TIAM2: variants seen among roughly 807,000 people sequenced by gnomAD.
TIAM2 encodes rho guanine nucleotide exchange factor TIAM2.
A neutral mutation model predicts 152.9 loss-of-function variants in TIAM2; 80 were observed. The ratio of observed to expected loss-of-function variants is 0.52; its 90% CI spans 0.44 to 0.63. TIAM2 has a LOEUF of 0.63. TIAM2 is among the 30% of genes least tolerant of loss of function. TIAM2 has a pLI of 0.00. For synonymous variants in TIAM2, 804 were observed against 838.0 expected (o/e 0.96, Z 0.70); for missense variants, 1,965 against 2,120.1 (o/e 0.93, Z 1.44).
intron 1 of TIAM2, among the ~76,000 whole-genome samples, chr6:155,051,325 A>T (rs1425895332): frequency 6.6e-6 from 1 of 152,052 alleles, no homozygotes; most frequent in Non-Finnish European, 1.5e-5. Flanking sequence ...GAGCCCGCTT[A>T]CTCCCATCCA....
At chr6:155,192,482 A>G (rs1398877191) in intron 14 of TIAM2, among the ~76,000 whole-genome samples, 2 of 152,182 alleles carry the variant, frequency 1.3e-5, no homozygotes, top group Non-Finnish European at 2.9e-5. Flanking sequence ...GGCCCTAAAG[A>G]GCTTTAGTTA....
intron 1 of TIAM2, among the ~76,000 whole-genome samples, chr6:155,058,561 A>G (rs1439794940): frequency 6.6e-6 from 1 of 152,244 alleles, no homozygotes; most frequent in Non-Finnish European, 1.5e-5. Flanking sequence ...ACAACATACT[A>G]TATGTAAGCA....
intron 15 of TIAM2, among the ~76,000 whole-genome samples, chr6:155,226,376 T>C (rs922814249): frequency 6.6e-6 from 1 of 152,120 alleles, no homozygotes; most frequent in Non-Finnish European, 1.5e-5. Flanking sequence ...AAACAAAAGA[T>C]TGCTGATGGT....
chr6:155,043,099 G>A (rs1777084993), intron 1 of TIAM2, among the ~76,000 whole-genome samples: 1 of 152,184 alleles, frequency 6.6e-6, no homozygotes, highest in African/African-American at 2.4e-5. Context: ...AGGAAGATGA[G>A]ATTCCAAAAG....
At chr6:155,140,430 G>A (rs1779665316) in intron 5 of TIAM2, among the ~76,000 whole-genome samples, 1 of 152,134 alleles carries the variant, frequency 6.6e-6, no homozygotes, top group South Asian at 2.1e-4. Context: ...TTTTAAGTGT[G>A]AAATTTGTTT....
chr6:155,231,424 C>T (rs117657527), intron 15 of TIAM2, among the ~76,000 whole-genome samples: 1,781 of 152,272 alleles, frequency 0.012, 14 homozygotes, highest in Non-Finnish European at 0.019. Flanking sequence ...ATACAATTTC[C>T]CTGGAGTATT....
At chr6:155,232,603 C>T (rs752703026) in intron 15 of TIAM2, 1 of 152,214 alleles carries the variant, frequency 6.6e-6, no homozygotes, top group Non-Finnish European at 1.5e-5. Context: ...TGGGGAAACT[C>T]TGAGGACATG....
intron 15 of TIAM2, among the ~76,000 whole-genome samples, chr6:155,224,196 C>G (rs1014787286): frequency 6.6e-6 from 1 of 152,174 alleles, no homozygotes; most frequent in Non-Finnish European, 1.5e-5. Context: ...TTTTCTGTGC[C>G]TTTCATGACT....
At chr6:155,079,365 G>C in intron 1 of TIAM2, among the ~76,000 whole-genome samples, 1 of 152,022 alleles carries the variant, frequency 6.6e-6, no homozygotes, top group Non-Finnish European at 1.5e-5. Context: ...CCTGGACCCA[G>C]ATGGCCAGTT....
chr6:155,050,331 A>G (rs554212808), intron 1 of TIAM2, among the ~76,000 whole-genome samples: 171 of 152,242 alleles, frequency 1.1e-3, no homozygotes, highest in Non-Finnish European at 1.9e-3. Flanking sequence ...TGGCCTCAGT[A>G]TATTTAAAAT....
chr6:155,086,058 G>T (rs1383953098), intron 1 of TIAM2, among the ~76,000 whole-genome samples: 3 of 152,228 alleles, frequency 2.0e-5, no homozygotes, highest in Non-Finnish European at 4.4e-5. Context: ...GCGAAGCCCA[G>T]TCTCCACTGT....
chr6:155,121,589 C>T (rs970457042), intron 2 of TIAM2, among the ~76,000 whole-genome samples: 2 of 152,146 alleles, frequency 1.3e-5, no homozygotes, highest in Admixed American at 6.6e-5. Context: ...AAGCTGTCCC[C>T]GACCCTCCCC....
intron 1 of TIAM2, among the ~76,000 whole-genome samples, chr6:155,002,824 G>A (rs920626787): frequency 4.0e-5 from 6 of 151,816 alleles, no homozygotes; most frequent in African/African-American, 1.5e-4. Context: ...GGGATTACAG[G>A]CACCCACCAC....
At chr6:155,221,459 G>A (rs1033312137) in intron 15 of TIAM2, among the ~76,000 whole-genome samples, 2 of 152,274 alleles carry the variant, frequency 1.3e-5, no homozygotes, top group African/African-American at 4.8e-5. Flanking sequence ...TATTTGCCAC[G>A]TTTATTTCTG....
chr6:155,128,483 T>C (rs1779351452), intron 3 of TIAM2, among the ~76,000 whole-genome samples: 2 of 152,252 alleles, frequency 1.3e-5, no homozygotes, highest in East Asian at 3.9e-4. Context: ...TTATGTATAA[T>C]GAAAATGTAT....
chr6:155,104,058 C>CCCCCCCCCCCCCCCCCCCCCACA (rs1778620589), intron 2 of TIAM2, among the ~76,000 whole-genome samples: 1 of 60,318 alleles, frequency 1.7e-5, no homozygotes, highest in African/African-American at 7.6e-5. Context: ...CCCCACACCC[C>CCCCCCCCCCCCCCCCCCCCCACA]CACACACCCC....
At chr6:155,166,780 G>A (rs1261528477) in intron 9 of TIAM2, among the ~76,000 whole-genome samples, 4 of 152,192 alleles carry the variant, frequency 2.6e-5, no homozygotes, top group Non-Finnish European at 5.9e-5. Flanking sequence ...TTATCTTGCT[G>A]ATTGATATGT....
intron 14 of TIAM2, among the ~76,000 whole-genome samples, chr6:155,206,960 G>C (rs1027691803): frequency 3.3e-4 from 51 of 152,320 alleles, no homozygotes; most frequent in African/African-American, 1.2e-3. Context: ...GCTGAGTTCA[G>C]GGTGGGCAGG....
In TIAM2 at chr6:155,256,579, A is replaced by T; in HGVS notation, c.4564A>T (p.Ser1522Cys). 2 of 1,614,214 alleles carry T rather than the reference A, an allele frequency of 1.2e-6. No homozygotes were observed. The highest frequency in any genetic ancestry group is 2.2e-5 in the South Asian group (2 of 91,078). ...KGTLLDSDEG[S>C]LSSGTQSSGC... is the part of the protein sequence containing the mutation. ...AACCTTGCTGGACTCTGACGAGGGC[A>T]GCTTGAGCAGCGGCACCCAGAGCAG... The change falls in exon 27 of 27, where the codon AGC (serine) becomes TGC (cysteine). Residue 1522 changes from serine to cysteine, a missense_variant. Around this residue, in one of 3 missense-constraint regions of TIAM2, gnomAD observed 935 missense variants for 980.0 expected, o/e 0.95. Coordinates refer to ENST00000682666, the MANE Select transcript of TIAM2 (RefSeq NM_012454.4).
Sources: allele counts gnomAD v4.1 joint callset (sites outside exome capture counted in the v4.1 genomes callset), GRCh38; gene constraint gnomAD v4.1.1; regional missense constraint gnomAD v4.1.1; transcripts MANE v1.5; gene names NCBI Gene and HGNC (gene_info 2026-07-23, HGNC 2026-07-21).